EPRS1: variants seen among roughly 807,000 people sequenced by gnomAD.
EPRS1 encodes the protein glutamyl-prolyl-tRNA synthetase 1.
EPRS1 carries 107 observed loss-of-function variants against 188.3 expected under a neutral mutation model. That is an observed-to-expected ratio of 0.57 (90% CI 0.49 to 0.67). The LOEUF (loss-of-function observed/expected upper bound fraction) is 0.67, where lower values mean the gene tolerates loss of function less well. Among genes scored for constraint, EPRS1 ranks in the 30% least tolerant of loss-of-function variants. The probability of loss-of-function intolerance (pLI) is 0.00; values close to 1 mark genes in which losing one functional copy is unlikely to be tolerated. For missense variants in EPRS1, 1,577 were observed against 1,802.2 expected (o/e 0.88, Z 2.26); for synonymous variants, 596 against 593.1 (o/e 1.00, Z -0.07).
chr1:219,985,525 C>A (rs1211096701), intron 20 of EPRS1, among the ~76,000 whole-genome samples: 1 of 152,070 alleles, frequency 6.6e-6, no homozygotes, highest in Non-Finnish European at 1.5e-5. Context: ...CCCTCCCCCA[C>A]CCAAGTAGCT....
At chr1:219,974,130 C>T (rs1196205762) in intron 28 of EPRS1, among the ~76,000 whole-genome samples, 4 of 152,024 alleles carry the variant, frequency 2.6e-5, no homozygotes, top group Non-Finnish European at 5.9e-5. Context: ...TTTTAGTAGA[C>T]ATGGGGTTTC....
chr1:220,006,092 C>T lies in EPRS1; in HGVS notation c.1950+14G>A. ...AAATTTAAAAGGTGAAATATGGTTT[C>T]TTTGGAAGGTTACCTTACTGTTCTT... On this transcript the variant is annotated intron_variant, in intron 15 of 31. Coordinates refer to ENST00000366923, the MANE Select transcript of EPRS1 (RefSeq NM_004446.3). 1.4e-6 allele frequency: 2 copies of T among 1,466,484 alleles called. No homozygotes were observed. Among genetic ancestry groups the T allele is most frequent in the Non-Finnish European group, 1.8e-6 (2 of 1,085,912 alleles). 90.8% of individuals were successfully genotyped at this position (1,466,484 alleles called of 1,614,324 possible).
Position 220,030,497 on chromosome 1 carries a change from C to A in EPRS1, c.529-17G>T. The A allele has an allele frequency of 6.3e-7, 1 of 1,591,186 alleles. No individual in the cohort carries two copies. Among genetic ancestry groups the A allele is most frequent in the Non-Finnish European group, 8.6e-7 (1 of 1,159,392 alleles). On this transcript the variant is annotated splice_polypyrimidine_tract_variant and intron_variant, in intron 5 of 31. Transcript: ENST00000366923. ...CTCAGGTGCCTGAAAAACACAACCACCATCACAACAAAAAGTCTTATGGTT... is the reference window on the plus strand; with the variant it reads ...CTCAGGTGCCTGAAAAACACAACCAACATCACAACAAAAAGTCTTATGGTT...
At chr1:219,969,251 T>C (rs1478443036) in intron 30 of EPRS1, 129 bp from the exon 31 acceptor site, 8 of 670,050 alleles carry the variant, frequency 1.2e-5, no homozygotes, top group Non-Finnish European at 1.8e-5. Flanking sequence ...TTTCAGGCTA[T>C]GATACCTTTG....
At chr1:219,980,643 G>T in intron 25 of EPRS1, 113 bp downstream of exon 25, 1 of 640,574 alleles carries the variant, frequency 1.6e-6, no homozygotes, top group Non-Finnish European at 2.8e-6. Context: ...ATGAACATTT[G>T]AATTAATTTG....
intron 30 of EPRS1, chr1:219,969,352 C>A: frequency 2.0e-6 from 1 of 501,568 alleles, no homozygotes. Flanking sequence ...CATCAAGACA[C>A]AACAAAGACA....
At position 219,979,414 on chromosome 1, in the gene EPRS1, T is replaced by C. The variant is rs1395892605; in HGVS notation, c.3909+4A>G. The C allele has an allele frequency of 1.2e-6, 2 of 1,601,102 alleles. No homozygotes were observed. The highest frequency in any genetic ancestry group is 1.7e-4 in the Middle Eastern group (1 of 5,996). On this transcript the variant is annotated splice_donor_region_variant and intron_variant, in intron 27 of 31. Coordinates refer to ENST00000366923, the MANE Select transcript of EPRS1 (RefSeq NM_004446.3). ...TGAGTGATAAACAGGAATATTTTCC[T>C]TACCTGAACACATGCTACACGGGGT...
chr1:220,036,691 T>A (rs144314817), intron 2 of EPRS1, among the ~76,000 whole-genome samples: 1 of 152,074 alleles, frequency 6.6e-6, no homozygotes, highest in Non-Finnish European at 1.5e-5. Context: ...GGGTGGATGT[T>A]GGGAGGAGGG....
Position 220,006,142 on chromosome 1 carries a change from G to T in EPRS1, c.1914C>A (p.Asp638Glu). Residue 638 changes from aspartate to glutamate, a missense_variant, in exon 15 of 32, where the codon GAC (aspartate) becomes GAA (glutamate). Physicochemically the swap from Asp to Glu is conservative, Grantham distance 45. Coordinates refer to ENST00000366923, the MANE Select transcript of EPRS1 (RefSeq NM_004446.3). Reference protein sequence around the residue: ...HLITKPVLGKDEDFKQYVNKN... With the variant: ...HLITKPVLGKEEDFKQYVNKN... ...TGTTGACATACTGCTTAAAGTCCTC[G>T]TCTTTTCCTAGCACTGGCTTTGTGA... The T allele has an allele frequency of 1.3e-6, 2 of 1,593,092 alleles. No individual in the cohort carries two copies. Among genetic ancestry groups the T allele is most frequent in the Non-Finnish European group, 1.7e-6 (2 of 1,167,424 alleles).
intron 18 of EPRS1, among the ~76,000 whole-genome samples, chr1:219,992,696 G>A (rs1661146986): frequency 2.0e-5 from 3 of 152,198 alleles, no homozygotes; most frequent in Non-Finnish European, 2.9e-5. Context: ...GGAGGCCGAG[G>A]CGGGTGGATC....
intron 1 of EPRS1, among the ~76,000 whole-genome samples, chr1:220,044,711 AAAC>A (rs1558064849): frequency 8.0e-5 from 10 of 124,890 alleles, no homozygotes; most frequent in Admixed American, 3.5e-4. Flanking sequence ...AAAAAAAAAA[AAAC>A]AGTATCAGGA....
intron 12 of EPRS1, chr1:220,018,229 T>C (rs1187258851): frequency 8.5e-6 from 10 of 1,179,558 alleles, no homozygotes; most frequent in Non-Finnish European, 1.2e-5. Flanking sequence ...ATTCCAAGTT[T>C]GTTTGTTTCA....
rs3767661 is a variant in EPRS1 at position 220,018,404 on chromosome 1, G to A, written c.1494+45C>T. 14,805 of 1,401,524 alleles carry A rather than the reference G, an allele frequency of 0.011. 517 individuals carry two copies. The East Asian group carries it at 0.12, about 12-fold the overall frequency. 86.8% of individuals were successfully genotyped at this position (1,401,524 alleles called of 1,614,324 possible). ...AATGACTTCTACTTGTACATTATTT[G>A]GGACTTAAGCATGAGAAAAGAAGGC... On this transcript the variant is annotated intron_variant, in intron 12 of 31. Transcript: ENST00000366923.
At chr1:219,997,573 T>C (rs541908899) in intron 17 of EPRS1, among the ~76,000 whole-genome samples, 3 of 152,116 alleles carry the variant, frequency 2.0e-5, no homozygotes, top group South Asian at 2.1e-4. Flanking sequence ...ATTTTTACTA[T>C]AGTAAAAACC....
At chr1:220,022,271 C>T (rs1282178572) in intron 9 of EPRS1, 76 bp downstream of exon 9, 22 of 1,300,904 alleles carry the variant, frequency 1.7e-5, no homozygotes, top group Non-Finnish European at 2.2e-5. Context: ...GACTATTTTG[C>T]TTGTACTCCA....
chr1:219,991,388 T>C (rs1231483838), intron 18 of EPRS1, among the ~76,000 whole-genome samples: 1 of 152,208 alleles, frequency 6.6e-6, no homozygotes, highest in Non-Finnish European at 1.5e-5. Context: ...CCTTTGCTCC[T>C]TACTAGCATA....
chr1:220,009,284 T>C (rs1017587062), intron 13 of EPRS1, among the ~76,000 whole-genome samples: 1 of 152,186 alleles, frequency 6.6e-6, no homozygotes, highest in Admixed American at 6.5e-5. Context: ...ATTTAGAATA[T>C]GTATAGCTCT....
intron 22 of EPRS1, 140 bp downstream of exon 22, chr1:219,983,049 A>G (rs938729940): frequency 9.7e-5 from 73 of 755,522 alleles, no homozygotes; most frequent in Admixed American, 5.7e-5. Flanking sequence ...TAACAAAATC[A>G]TTACTTGCTA....
intron 6 of EPRS1, among the ~76,000 whole-genome samples, chr1:220,028,091 T>C (rs1329237597): frequency 6.6e-6 from 1 of 152,030 alleles, no homozygotes; most frequent in Non-Finnish European, 1.5e-5. Context: ...TGTGTAAATC[T>C]AAAACTATTC....
Sources: allele counts gnomAD v4.1 joint callset (sites outside exome capture counted in the v4.1 genomes callset), GRCh38; gene constraint gnomAD v4.1.1; transcripts MANE v1.5; gene names NCBI Gene and HGNC (gene_info 2026-07-23, HGNC 2026-07-21).